Variants in MICU1 observed in about 807,000 individuals in gnomAD.
MICU1 encodes calcium uptake protein 1, mitochondrial.
A neutral mutation model predicts 56.8 loss-of-function variants in MICU1; 45 were observed. The observed-to-expected ratio is 0.79, with a 90% CI of 0.62 to 1.02. MICU1 has a LOEUF of 1.02. Among genes scored for constraint, MICU1 ranks in the 50% least tolerant of loss-of-function variants. The probability of loss-of-function intolerance (pLI) is 0.00; values close to 1 mark genes in which losing one functional copy is unlikely to be tolerated. For synonymous variants in MICU1, 186 were observed against 195.1 expected (o/e 0.95, Z 0.39); for missense variants, 504 against 587.1 (o/e 0.86, Z 1.46).
At position 72,601,334 on chromosome 10, in the gene MICU1, C is replaced by T. The variant is rs190731540; in HGVS notation, c.-2+24676G>A. On this transcript the variant is annotated intron_variant, in intron 1 of 11. Coordinates refer to ENST00000361114, the MANE Select transcript of MICU1 (RefSeq NM_001195518.2). The stretch of plus-strand genomic sequence containing the variant: ...AGCTACTCAAGAGGCTGAGGTGGGA[C>T]GATCACTTGAGTCCAGGAGGTCAAG... Among the ~76,000 whole-genome samples the T allele has an allele frequency of 5.4e-5, 8 of 149,242 alleles. No individual in the cohort carries two copies. In the East Asian group the frequency reaches 9.9e-4, roughly 18 times the overall value.
At chr10:72,500,296 ATATATATTTTTTTTTTTTTTT>A (rs1867016929) in intron 6 of MICU1, among the ~76,000 whole-genome samples, 2 of 6,784 alleles carry the variant, frequency 2.9e-4, no homozygotes, top group African/African-American at 5.4e-4. Context: ...ATATATATAT[ATATATATTTTTTTTTTTTTTT>A]TTTTTTTTTT....
At chr10:72,441,609 A>ATT (rs1470839651) in intron 8 of MICU1, among the ~76,000 whole-genome samples, 5 of 111,402 alleles carry the variant, frequency 4.5e-5, no homozygotes, top group African/African-American at 8.9e-5. Context: ...CTTATTTTTA[A>ATT]TTTTTCTTTT....
intron 1 of MICU1, among the ~76,000 whole-genome samples, chr10:72,614,382 A>G (rs533211044): frequency 3.1e-4 from 47 of 152,338 alleles, no homozygotes; most frequent in African/African-American, 1.1e-3. Context: ...GTGTATTTCC[A>G]AAGGAATTTA....
chr10:72,509,091 C>A (rs1296416989), intron 5 of MICU1, among the ~76,000 whole-genome samples: 1 of 152,048 alleles, frequency 6.6e-6, no homozygotes, highest in African/African-American at 2.4e-5. Context: ...GAATTCTTAG[C>A]CAAAGCATAA....
chr10:72,430,802 C>T (rs945230578), intron 8 of MICU1, among the ~76,000 whole-genome samples: 3 of 152,104 alleles, frequency 2.0e-5, no homozygotes, highest in African/African-American at 4.8e-5. Context: ...TCAGGTGATC[C>T]GCCAGCCTCA....
chr10:72,505,708 G>A (rs987470914), intron 6 of MICU1, among the ~76,000 whole-genome samples: 1 of 152,120 alleles, frequency 6.6e-6, no homozygotes, highest in Non-Finnish European at 1.5e-5. Flanking sequence ...ATTAACACAG[G>A]AACAGAAAAC....
intron 9 of MICU1, among the ~76,000 whole-genome samples, chr10:72,413,048 T>C (rs1249994972): frequency 1.3e-5 from 2 of 151,610 alleles, no homozygotes; most frequent in African/African-American, 2.4e-5. Context: ...AATACAGAAA[T>C]TAGCCAGGCA....
intron 3 of MICU1, among the ~76,000 whole-genome samples, chr10:72,554,251 C>T (rs1284993744): frequency 6.6e-6 from 1 of 152,104 alleles, no homozygotes; most frequent in Non-Finnish European, 1.5e-5. Flanking sequence ...ATTAGAATAT[C>T]ATTTTGCAAC....
At chr10:72,431,372 C>T (rs1864526854) in intron 8 of MICU1, among the ~76,000 whole-genome samples, 1 of 152,130 alleles carries the variant, frequency 6.6e-6, no homozygotes, top group African/African-American at 2.4e-5. Context: ...TCAAGTGATC[C>T]TCCCACCTTG....
intron 6 of MICU1, among the ~76,000 whole-genome samples, chr10:72,507,671 G>T (rs370660413): frequency 1.3e-5 from 2 of 152,242 alleles, no homozygotes; most frequent in African/African-American, 4.8e-5. Context: ...TTTGAGACAG[G>T]GTGTCACTCT....
intron 8 of MICU1, among the ~76,000 whole-genome samples, chr10:72,453,860 A>G (rs1865372011): frequency 6.7e-6 from 1 of 149,692 alleles, no homozygotes; most frequent in South Asian, 2.1e-4. Flanking sequence ...TTTGAGATGG[A>G]GTTTCGTTCT....
intron 1 of MICU1, among the ~76,000 whole-genome samples, chr10:72,620,158 C>T (rs1447980417): frequency 5.3e-5 from 8 of 151,934 alleles, no homozygotes; most frequent in Non-Finnish European, 8.8e-5. Context: ...ATTAACTGTC[C>T]AAGCAAGGTT....
Position 72,556,926 on chromosome 10 carries a change from G to A in MICU1, c.331-5585C>T, listed in dbSNP as rs539620427. ...CTAAAAATACAAAAATTAGCCAGGCGTAGTGTCGGGTGTCTGTAATTCCAG... is the reference window on the plus strand; with the variant it reads ...CTAAAAATACAAAAATTAGCCAGGCATAGTGTCGGGTGTCTGTAATTCCAG... On this transcript the variant is annotated intron_variant, in intron 3 of 11. Coordinates refer to ENST00000361114, the MANE Select transcript of MICU1 (RefSeq NM_001195518.2). Among the ~76,000 whole-genome samples the A allele has an allele frequency of 1.6e-3, 237 of 151,946 alleles. 1 individual carries two copies. Among genetic ancestry groups the A allele is most frequent in the African/African-American group, 5.5e-3 (227 of 41,486 alleles).
At chr10:72,484,957 T>A (rs761856029) in intron 6 of MICU1, among the ~76,000 whole-genome samples, 4 of 152,162 alleles carry the variant, frequency 2.6e-5, no homozygotes, top group Non-Finnish European at 5.9e-5. Flanking sequence ...TAGCTATTTG[T>A]TTATGTATTG....
chr10:72,514,379 G>C (rs1044064270), intron 5 of MICU1, among the ~76,000 whole-genome samples: 3 of 150,724 alleles, frequency 2.0e-5, no homozygotes, highest in African/African-American at 7.3e-5. Context: ...GTAATTTATT[G>C]TTTCTATGTA....
chr10:72,525,506 G>A lies in MICU1; in HGVS notation c.537+8240C>T, dbSNP rs185940339. ...CTGAGACATGTGAAATCAAACTGGG[G>A]GCCTCTCTTTAGTTAATGGACTCGG... On this transcript the variant is annotated intron_variant, in intron 5 of 11. Coordinates refer to ENST00000361114, the MANE Select transcript of MICU1 (RefSeq NM_001195518.2). Among the ~76,000 whole-genome samples, 378 of 152,260 alleles carry A rather than the reference G, an allele frequency of 2.5e-3. 1 individual carries two copies. The highest frequency in any genetic ancestry group is 8.6e-3 in the African/African-American group (358 of 41,548).
At chr10:72,394,239 C>A (rs1235385524) in intron 10 of MICU1, among the ~76,000 whole-genome samples, 1 of 152,112 alleles carries the variant, frequency 6.6e-6, no homozygotes, top group Non-Finnish European at 1.5e-5. Flanking sequence ...TCTGCAAAGA[C>A]CCTGTGTCCA....
chr10:72,436,874 C>G (rs747604415), intron 8 of MICU1, among the ~76,000 whole-genome samples: 14 of 151,972 alleles, frequency 9.2e-5, no homozygotes, highest in Admixed American at 4.6e-4. Context: ...ACGAACAAAG[C>G]CTCCAAGAAA....
intron 6 of MICU1, among the ~76,000 whole-genome samples, chr10:72,495,499 T>C (rs1589277022): frequency 2.0e-5 from 3 of 151,906 alleles, no homozygotes; most frequent in South Asian, 4.1e-4. Flanking sequence ...CTACTAAAAG[T>C]ACAAAAATTA....
Sources: allele counts gnomAD v4.1 joint callset (sites outside exome capture counted in the v4.1 genomes callset), GRCh38; gene constraint gnomAD v4.1.1; transcripts MANE v1.5; gene names NCBI Gene and HGNC (gene_info 2026-07-23, HGNC 2026-07-21).